Variants in FOCAD observed in about 807,000 individuals in gnomAD.
The protein encoded by FOCAD is focadhesin, also known as KIAA1797.
FOCAD carries 198 observed loss-of-function variants against 225.6 expected under a neutral mutation model. That is an observed-to-expected ratio of 0.88 (90% CI 0.78 to 0.99). The LOEUF is 0.99. Among genes scored for constraint, FOCAD ranks in the 50% least tolerant of loss-of-function variants. FOCAD has a pLI of 0.00. For missense variants in FOCAD, 2,713 were observed against 2,123.6 expected, an observed-to-expected ratio of 1.28 and a Z score of -5.46; for synonymous variants, 897 against 755.0, an observed-to-expected ratio of 1.19 and a Z score of -3.08.
At chr9:20,655,937 C>G (rs1248418817), upstream of FOCAD, among the ~76,000 whole-genome samples, 1 of 152,102 alleles carries the variant, frequency 6.6e-6, no homozygotes, top group Admixed American at 6.5e-5. Flanking sequence ...TCCCTCTACA[C>G]ACTGCTTTGA....
In FOCAD at chr9:20,986,333, C is replaced by G. The variant is rs767555418; in HGVS notation, c.4774C>G (p.Gln1592Glu). ...CTTTGTCAAACTGTACTTAGTCTCT[C>G]AAGGACGATTCCCCTTGGTGAACCT... ...AAFVKLYLVS[Q>E]GRFPLVNLTD... is the part of the protein sequence containing the mutation. Residue 1592 changes from glutamine (Q) to glutamate (E), a missense_variant, in exon 40 of 44, where the codon CAA (glutamine) becomes GAA (glutamate). Transcript: ENST00000338382. The G allele has an allele frequency of 2.1e-6, 3 of 1,440,156 alleles. No homozygotes were observed. Among genetic ancestry groups the G allele is most frequent in the South Asian group, 2.2e-5 (2 of 88,956 alleles). 89.2% of individuals were successfully genotyped at this position (1,440,156 alleles called of 1,614,324 possible).
At chr9:20,874,998 C>A in intron 19 of FOCAD, 191 bp downstream of exon 19, 1 of 639,844 alleles carries the variant, frequency 1.6e-6, no homozygotes, top group Non-Finnish European at 2.6e-6. Flanking sequence ...TACGAAAAAA[C>A]GTTACATCTG....
chr9:20,985,769 A>T (rs548318727), intron 39 of FOCAD, among the ~76,000 whole-genome samples: 1 of 152,346 alleles, frequency 6.6e-6, no homozygotes, highest in East Asian at 1.9e-4. Flanking sequence ...TTTATTGTTT[A>T]CAAGGATATT....
Position 20,780,411 on chromosome 9 carries a change from C to G in FOCAD, c.995-1316C>G, listed in dbSNP as rs569444114. Among the ~76,000 whole-genome samples, 3 of 152,284 alleles carry G rather than the reference C, an allele frequency of 2.0e-5. No homozygotes were observed. In the East Asian group the frequency reaches 5.8e-4, roughly 29 times the overall value. ...GAAAGATAATACAGTATCAAACAGT[C>G]AAATACTTTTATTATTTCCTGGTTA... On this transcript the variant is annotated intron_variant, in intron 9 of 43. Coordinates refer to ENST00000338382, the MANE Select transcript of FOCAD (RefSeq NM_001375567.1).
chr9:20,840,538 CTTTG>C (rs1826416669), intron 15 of FOCAD, among the ~76,000 whole-genome samples: 1 of 143,188 alleles, frequency 7.0e-6, no homozygotes, highest in East Asian at 2.0e-4. Context: ...AGTGGAATTA[CTTTG>C]TTTTTTTCAT....
In FOCAD at chr9:20,789,422, A is replaced by G. The variant is rs531231277; in HGVS notation, c.1269A>G (p.Glu423=). The G allele has an allele frequency of 5.2e-5, 84 of 1,614,044 alleles. No individual in the cohort carries two copies. The South Asian group carries it at 8.9e-4, about 17-fold the overall frequency. Residue 423 remains glutamate, a synonymous_variant, in exon 11 of 44, where the codon GAA becomes GAG. Transcript: ENST00000338382. ...TATTTACAGCCTGGAGGATTCTTGA[A>G]GTAATGACAGACTCGTCTGCTGCAA... is the stretch of plus-strand genomic sequence containing the variant. ...GTIFTAWRIL[E]VMTDSSAASD...
intron 2 of FOCAD, among the ~76,000 whole-genome samples, chr9:20,672,515 A>G (rs1287070238): frequency 1.3e-5 from 2 of 152,218 alleles, no homozygotes; most frequent in Non-Finnish European, 2.9e-5. Context: ...CAGTGGCGCA[A>G]TCTAGGCTCA....
rs181852814 is a variant in FOCAD, at chr9:20,786,443, G to A, written c.1198-2908G>A. 3.9e-5 allele frequency among the ~76,000 whole-genome samples: 6 copies of A among 152,250 alleles called. No homozygotes were observed. The East Asian group carries it at 1.2e-3, about 29-fold the overall frequency. ...TCAGCTCTTGTCTAGAGTCTTCATA[G>A]TGATATAGTGCTAGAAAGGCTCTCT... On this transcript the variant is annotated intron_variant, in intron 10 of 43. Coordinates refer to ENST00000338382, the MANE Select transcript of FOCAD (RefSeq NM_001375567.1).
At chr9:20,940,046 C>T (rs2132286169) in intron 28 of FOCAD, among the ~76,000 whole-genome samples, 1 of 152,100 alleles carries the variant, frequency 6.6e-6, no homozygotes, top group Middle Eastern at 3.4e-3. Context: ...TGAGAACATG[C>T]TGCGTTTGGT....
chr9:20,966,068 G>A (rs373237740), intron 35 of FOCAD, among the ~76,000 whole-genome samples: 8 of 151,946 alleles, frequency 5.3e-5, no homozygotes, highest in African/African-American at 1.9e-4. Flanking sequence ...GGAATTGCTG[G>A]GTTGTATGGT....
Position 20,866,916 on chromosome 9 carries a change from T to TAAACAAAAAA in FOCAD, c.2107-13_2107-12insAAACAAAAAA. 1 of 885,978 alleles carries TAAACAAAAAA rather than the reference T, an allele frequency of 1.1e-6. No individual in the cohort carries two copies. The highest frequency in any genetic ancestry group is 1.7e-6 in the Non-Finnish European group (1 of 600,118). 54.9% of individuals were successfully genotyped at this position (885,978 alleles called of 1,614,324 possible). A position where few individuals can be genotyped will look rare whatever the true frequency, so the allele number is the denominator to read the frequency against. On this transcript the variant is annotated splice_polypyrimidine_tract_variant and intron_variant, in intron 17 of 43. Coordinates refer to ENST00000338382, the MANE Select transcript of FOCAD (RefSeq NM_001375567.1). ...TTTTTTTTTTTTTTTTTTTTTTTTT[T>TAAACAAAAAA]TACCCTATCTAGGACCCAATTGTAG...
At chr9:20,725,660 AGCCC>A (rs1485361258) in intron 4 of FOCAD, among the ~76,000 whole-genome samples, 2 of 152,178 alleles carry the variant, frequency 1.3e-5, no homozygotes, top group African/African-American at 4.8e-5. Flanking sequence ...CACGTATGGA[AGCCC>A]GCCTCCCACC....
Position 20,881,889 on chromosome 9 carries a change from C to G in FOCAD, c.2336C>G (p.Thr779Arg). 6.2e-7 allele frequency: 1 copy of G among 1,612,536 alleles called. No homozygotes were observed. The highest frequency in any genetic ancestry group is 1.1e-5 in the South Asian group (1 of 90,766). ...CTTTTAGCTTTGGAGGAATTTTTTA[C>G]ATCACTTGTGAAGCAAGAAATGGTG... ...LVLPALEEFF[T>R]SLVKQEMVNM... The change falls in exon 20 of 44, where the codon ACA becomes AGA. Residue 779 changes from threonine (T) to arginine (R), a missense_variant. By Grantham distance (71) the Thr-to-Arg change is moderately conservative. Transcript: ENST00000338382.
rs187226133 is a variant in FOCAD at position 20,949,657 on chromosome 9, C to T, written c.3930C>T (p.Val1310=). Reference sequence around the variant, plus strand: ...ATTTTCAAGGCAGACTTAATGAAGTCATTAGAACCTTAACTCAGGTGAGAA... The same window carrying T: ...ATTTTCAAGGCAGACTTAATGAAGTTATTAGAACCTTAACTCAGGTGAGAA... ...TSHFQGRLNE[V]IRTLTQVISV... is the part of the protein sequence containing the mutation. The change falls in exon 33 of 44, where the codon GTC becomes GTT. Residue 1310 remains valine, a synonymous_variant. Transcript: ENST00000338382. 16 of 1,612,738 alleles carry T rather than the reference C, an allele frequency of 9.9e-6. No homozygotes were observed. The Admixed American group carries it at 1.3e-4, about 13-fold the overall frequency.
At chr9:20,786,625 C>T (rs375280698) in intron 10 of FOCAD, among the ~76,000 whole-genome samples, 2 of 152,168 alleles carry the variant, frequency 1.3e-5, no homozygotes, top group African/African-American at 4.8e-5. Context: ...TAGATTAGTG[C>T]CATTCTTTAC....
intron 8 of FOCAD, among the ~76,000 whole-genome samples, chr9:20,772,165 C>G (rs1049118119): frequency 2.6e-5 from 4 of 152,116 alleles, no homozygotes; most frequent in African/African-American, 9.7e-5. Context: ...TTGATAGAAT[C>G]TCAGCTTTCT....
Position 20,819,904 on chromosome 9 carries a change from A to G in FOCAD, c.1560+4A>G. 1 of 1,477,318 alleles carries G rather than the reference A, an allele frequency of 6.8e-7. No homozygotes were observed. Among genetic ancestry groups the G allele is most frequent in the South Asian group, 1.3e-5 (1 of 74,260 alleles). The allele number at this position is 1,477,318 out of a possible 1,614,324, so 91.5% of individuals were successfully genotyped here. On this transcript the variant is annotated splice_donor_region_variant and intron_variant, in intron 12 of 43. Transcript: ENST00000338382. ...ACCTAAGCTTGGTGTTCACAAGGTTAGTATGTTAATTAATTTAGTTGGCGA... is the reference window on the plus strand; with the variant it reads ...ACCTAAGCTTGGTGTTCACAAGGTTGGTATGTTAATTAATTTAGTTGGCGA...
chr9:20,709,338 G>A (rs1389880572), intron 1 of FOCAD, among the ~76,000 whole-genome samples: 2 of 152,082 alleles, frequency 1.3e-5, no homozygotes, highest in African/African-American at 4.8e-5. Context: ...GTAGCATGTG[G>A]TTTATGGATT....
At chr9:20,902,596 C>G (rs779434668) in intron 21 of FOCAD, among the ~76,000 whole-genome samples, 1 of 151,790 alleles carries the variant, frequency 6.6e-6, no homozygotes, top group Non-Finnish European at 1.5e-5. Flanking sequence ...AGGGTAGCAC[C>G]ATTGGGGATG....
Sources: allele counts gnomAD v4.1 joint callset (sites outside exome capture counted in the v4.1 genomes callset), GRCh38; gene constraint gnomAD v4.1.1; transcripts MANE v1.5; gene names NCBI Gene and HGNC (gene_info 2026-07-23, HGNC 2026-07-21).